The following ATF6B variants were observed in gnomAD, a reference collection of about 807,000 sequenced individuals.
ATF6B encodes the protein activating transcription factor 6 beta.
In ATF6B, 50 loss-of-function variants were observed where a neutral mutation model predicts 83.5. That is an observed-to-expected ratio of 0.60 (90% confidence interval 0.48 to 0.76). The LOEUF (loss-of-function observed/expected upper bound fraction) is 0.76. ATF6B is among the 30% of genes least tolerant of loss of function. The pLI is 0.00. For synonymous variants in ATF6B, 344 were observed against 362.8 expected, an observed-to-expected ratio of 0.95 and a Z score of 0.59; for missense variants, 790 against 893.8, an observed-to-expected ratio of 0.88 and a Z score of 1.48.
Position 32,117,224 on chromosome 6 carries a change from C to G in ATF6B, c.1614+99G>C, listed in dbSNP as rs1452346346. The G allele has an allele frequency of 3.9e-6, 6 of 1,536,328 alleles. No individual in the cohort carries two copies. Among genetic ancestry groups the G allele is most frequent in the Non-Finnish European group, 3.6e-6 (4 of 1,124,794 alleles). ...AACCCTCCACTTCCTTCAAACGATC[C>G]CTCAAACTTCCACAGCGAGATGCCC... On this transcript the variant is annotated intron_variant, in intron 14 of 17. Coordinates refer to ENST00000375203, the MANE Select transcript of ATF6B (RefSeq NM_004381.5). This position sits in a 1 kb window ranked among gnomAD's most constrained non-coding sequence, Gnocchi z 5.0.
intron 5 of ATF6B, 77 bp downstream of exon 5, chr6:32,126,040 T>A (rs1371351882): frequency 9.6e-6 from 15 of 1,565,366 alleles, no homozygotes; most frequent in South Asian, 3.6e-5. Context: ...TTCCCCTCCA[T>A]CTACACACAT....
chr6:32,126,029 C>T, intron 5 of ATF6B, 88 bp downstream of exon 5: 1 of 1,523,636 alleles, frequency 6.6e-7, no homozygotes, highest in Non-Finnish European at 8.9e-7. Flanking sequence ...GCTGCCTGCA[C>T]TTCCCCTCCA....
rs1781468855 is a variant in ATF6B at position 32,115,270 on chromosome 6, C to T, written c.*469G>A. 6.4e-6 allele frequency: 1 copy of T among 156,550 alleles called. No homozygotes were observed. Among genetic ancestry groups the T allele is most frequent in the African/African-American group, 2.4e-5 (1 of 41,564 alleles). The allele number at this position is 156,550 out of a possible 1,614,324, so 9.7% of individuals were successfully genotyped here. A position where few individuals can be genotyped will look rare whatever the true frequency, so the allele number is the denominator to read the frequency against. ...GCCAGGAAGGCAGCCACCATTCCTT[C>T]AACTCCCTCCAAGTTGTTTATTTAA... On this transcript the variant is annotated 3_prime_UTR_variant, in exon 18 of 18. Transcript: ENST00000375203.
In ATF6B at chr6:32,117,557, A is replaced by T. The variant is rs2127333198; in HGVS notation, c.1532+30T>A. 1 of 1,608,632 alleles carries T rather than the reference A, an allele frequency of 6.2e-7. No individual in the cohort carries two copies. Among genetic ancestry groups the T allele is most frequent in the Non-Finnish European group, 8.5e-7 (1 of 1,176,134 alleles). On this transcript the variant is annotated intron_variant, in intron 13 of 17. Transcript: ENST00000375203. This position sits in a 1 kb window ranked among gnomAD's most constrained non-coding sequence, Gnocchi z 5.0. ...GCAGAAGGCCTTGGGAGGCCGGGGGAGCTGGATGCCCCAGCAATGAATCCC... is the reference window on the plus strand; with the variant it reads ...GCAGAAGGCCTTGGGAGGCCGGGGGTGCTGGATGCCCCAGCAATGAATCCC...
At chr6:32,126,966 G>A in intron 4 of ATF6B, 137 bp downstream of exon 4, 1 of 607,750 alleles carries the variant, frequency 1.6e-6, no homozygotes, top group Non-Finnish European at 2.5e-6. Context: ...AAAGGTAGTG[G>A]AGAAGGCCCC....
intron 2 of ATF6B, 71 bp downstream of exon 2, chr6:32,127,600 T>A: frequency 6.2e-7 from 1 of 1,610,832 alleles, no homozygotes; most frequent in Non-Finnish European, 8.5e-7. Flanking sequence ...AGTTATGGCC[T>A]GTGAATGGGT....
chr6:32,127,834 G>A, intron 1 of ATF6B, 84 bp from the exon 2 acceptor site: 1 of 1,443,938 alleles, frequency 6.9e-7, no homozygotes. Context: ...ATCCCTCATT[G>A]GCTCCGCTCG....
Position 32,125,943 on chromosome 6 carries a change from G to A in ATF6B, c.478+174C>T, listed in dbSNP as rs1386822036. ...AGCACTGCCCTTGCTGTGGTTCCCT[G>A]AAATGTTTCCTCTCCTTCCTGCCTT... On this transcript the variant is annotated intron_variant, in intron 5 of 17. Transcript: ENST00000375203. This position sits in a 1 kb window ranked among gnomAD's most constrained non-coding sequence, Gnocchi z 4.1. The A allele has an allele frequency of 3.2e-5, 29 of 900,970 alleles. No individual in the cohort carries two copies. Among genetic ancestry groups the A allele is most frequent in the Non-Finnish European group, 4.3e-5 (26 of 605,960 alleles). 55.8% of individuals were successfully genotyped at this position (900,970 alleles called of 1,614,324 possible).
At position 32,118,854 on chromosome 6, in the gene ATF6B, T is replaced by C. The variant is rs1363548670; in HGVS notation, c.1165A>G (p.Lys389Glu). Reference protein sequence around the residue: ...EALLAENSELKLGSGNRKVVC... With the variant: ...EALLAENSELELGSGNRKVVC... ...ACCTTCCTGTTTCCAGACCCTAACT[T>C]GAGCTCGCTGTTCTAAGGTACAAAG... The change falls in exon 11 of 18, where the codon AAG (lysine) becomes GAG (glutamate). Residue 389 changes from lysine (K) to glutamate (E), a missense_variant. Lys to Glu is a moderately conservative substitution (Grantham distance 56, BLOSUM62 1). Around this residue, in one of 3 missense-constraint regions of ATF6B, gnomAD observed 530 missense variants for 632.6 expected, o/e 0.84. Coordinates refer to ENST00000375203, the MANE Select transcript of ATF6B (RefSeq NM_004381.5). This position sits in a 1 kb window ranked among gnomAD's most constrained non-coding sequence, Gnocchi z 5.2. 6.2e-7 allele frequency: 1 copy of C among 1,613,560 alleles called. No individual in the cohort carries two copies. Among genetic ancestry groups the C allele is most frequent in the Non-Finnish European group, 8.5e-7 (1 of 1,179,554 alleles).
At chr6:32,124,623 C>T (rs937717731) in intron 5 of ATF6B, among the ~76,000 whole-genome samples, 14 of 152,172 alleles carry the variant, frequency 9.2e-5, no homozygotes, top group Admixed American at 3.9e-4. Context: ...CCCCACCTGG[C>T]CCTGTAGCCC....
At chr6:32,123,948 T>C (rs1781865170) in intron 5 of ATF6B, among the ~76,000 whole-genome samples, 1 of 151,958 alleles carries the variant, frequency 6.6e-6, no homozygotes, top group South Asian at 2.1e-4. Flanking sequence ...CTTACGCCTG[T>C]AATCCCAGCA....
In ATF6B at chr6:32,116,652, C is replaced by G; in HGVS notation, c.1797+52G>C. On this transcript the variant is annotated intron_variant, in intron 16 of 17. Transcript: ENST00000375203. This position sits in a 1 kb window ranked among gnomAD's most constrained non-coding sequence, Gnocchi z 5.1. ...CTACTCTACATCCCCCCACTGAAGACAGACTGCTGGGAACCTGGGGTGACA... is the reference window on the plus strand; with the variant it reads ...CTACTCTACATCCCCCCACTGAAGAGAGACTGCTGGGAACCTGGGGTGACA... 5 of 1,607,032 alleles carry G rather than the reference C, an allele frequency of 3.1e-6. No homozygotes were observed. Among genetic ancestry groups the G allele is most frequent in the Non-Finnish European group, 4.3e-6 (5 of 1,173,710 alleles).
Position 32,117,736 on chromosome 6 carries a change from A to G in ATF6B, c.1425-42T>C. ...AGGAGACAACACTTGGAGACTGCCC[A>G]GCACTCCCACAACAAAGAAGGCGAT... On this transcript the variant is annotated intron_variant, in intron 12 of 17. Transcript: ENST00000375203. The surrounding 1 kb of genome is among the most constrained non-coding windows in gnomAD (Gnocchi z 5.0). The G allele has an allele frequency of 6.2e-7, 1 of 1,601,266 alleles. No homozygotes were observed. The highest frequency in any genetic ancestry group is 8.5e-7 in the Non-Finnish European group (1 of 1,172,470).
Position 32,125,923 on chromosome 6 carries a change from T to A in ATF6B, c.478+194A>T. On this transcript the variant is annotated intron_variant, in intron 5 of 17. Coordinates refer to ENST00000375203, the MANE Select transcript of ATF6B (RefSeq NM_004381.5). This position sits in a 1 kb window ranked among gnomAD's most constrained non-coding sequence, Gnocchi z 4.1. ...AAAATAATATCCATCTCCTCAGCAC[T>A]GCCCTTGCTGTGGTTCCCTGAAATG... The A allele has an allele frequency of 4.4e-6, 3 of 677,830 alleles. No homozygotes were observed. 42.0% of individuals were successfully genotyped at this position (677,830 alleles called of 1,614,324 possible).
chr6:32,116,032 G>C lies in ATF6B; in HGVS notation c.1883-64C>G. The C allele has an allele frequency of 4.5e-6, 6 of 1,326,128 alleles. No individual in the cohort carries two copies. The highest frequency in any genetic ancestry group is 6.4e-6 in the Non-Finnish European group (6 of 943,324). The allele number at this position is 1,326,128 out of a possible 1,614,324, so 82.1% of individuals were successfully genotyped here. A position where few individuals can be genotyped will look rare whatever the true frequency, so the allele number is the denominator to read the frequency against. On this transcript the variant is annotated intron_variant, in intron 17 of 17. Coordinates refer to ENST00000375203, the MANE Select transcript of ATF6B (RefSeq NM_004381.5). This position sits in a 1 kb window ranked among gnomAD's most constrained non-coding sequence, Gnocchi z 5.1. Reference sequence around the variant, plus strand: ...GGCAAACAGGGATTGCAGGGAGGAGGGGAGGAGGTCAGAAAAGTAGAGGTG... The same window carrying C: ...GGCAAACAGGGATTGCAGGGAGGAGCGGAGGAGGTCAGAAAAGTAGAGGTG...
At chr6:32,126,385 C>G (rs1398391192) in intron 4 of ATF6B, 133 bp from the exon 5 acceptor site, 1 of 1,069,106 alleles carries the variant, frequency 9.4e-7, no homozygotes, top group Non-Finnish European at 1.3e-6. Context: ...ACATTCTGGT[C>G]TGAATGGTAC....
intron 8 of ATF6B, 135 bp downstream of exon 8, chr6:32,120,636 A>C: frequency 9.0e-7 from 1 of 1,109,666 alleles, no homozygotes; most frequent in African/African-American, 1.6e-5. Flanking sequence ...TTTTTAGTAG[A>C]GACAAGGTTT....
At position 32,123,627 on chromosome 6, in the gene ATF6B, A is replaced by T. The variant is rs186770906; in HGVS notation, c.479-2279T>A. Among the ~76,000 whole-genome samples, 270 of 152,288 alleles carry T rather than the reference A, an allele frequency of 1.8e-3. 1 individual carries two copies. The highest frequency in any genetic ancestry group is 3.5e-3 in the Non-Finnish European group (238 of 68,024). On this transcript the variant is annotated intron_variant, in intron 5 of 17. Transcript: ENST00000375203. Reference sequence around the variant, plus strand: ...ATGGTCTTGATCTCCTGACCTCGTGATCTGCCCGCCTTGGCCTCCCAAAGT... The same window carrying T: ...ATGGTCTTGATCTCCTGACCTCGTGTTCTGCCCGCCTTGGCCTCCCAAAGT...
At position 32,125,966 on chromosome 6, in the gene ATF6B, C is replaced by G. The variant is rs1346678854; in HGVS notation, c.478+151G>C. The G allele has an allele frequency of 4.3e-6, 5 of 1,150,918 alleles. No homozygotes were observed. The highest frequency in any genetic ancestry group is 3.2e-5 in the South Asian group (2 of 61,794). The allele number at this position is 1,150,918 out of a possible 1,614,324, so 71.3% of individuals were successfully genotyped here. Reference sequence around the variant, plus strand: ...CTGAAATGTTTCCTCTCCTTCCTGCCTTCCCTCCTGGTTTTCTGCCATTTC... The same window carrying G: ...CTGAAATGTTTCCTCTCCTTCCTGCGTTCCCTCCTGGTTTTCTGCCATTTC... On this transcript the variant is annotated intron_variant, in intron 5 of 17. Coordinates refer to ENST00000375203, the MANE Select transcript of ATF6B (RefSeq NM_004381.5). The surrounding 1 kb of genome is among the most constrained non-coding windows in gnomAD (Gnocchi z 4.1).
Sources: gnomAD v4.1 joint callset for allele counts (sites outside exome capture counted in the v4.1 genomes callset) on GRCh38, gnomAD v4.1.1 for gene constraint, gnomAD v4.1.1 regional missense constraint, Gnocchi (gnomAD v3.1) non-coding constraint, MANE v1.5 for transcripts, NCBI Gene and HGNC (gene_info 2026-07-23, HGNC 2026-07-21) for gene names.